Variants in NFATC2 observed in about 807,000 individuals in gnomAD.
NFATC2 encodes nuclear factor of activated T-cells, cytoplasmic 2.
A neutral mutation model predicts 87.3 loss-of-function variants in NFATC2; 22 were observed. The observed-to-expected ratio is 0.25, with a 90% CI of 0.18 to 0.36. NFATC2 has a LOEUF of 0.36. NFATC2 is among the 10% of genes least tolerant of loss of function. The probability of loss-of-function intolerance (pLI) is 1.00; values close to 1 mark genes in which losing one functional copy is unlikely to be tolerated. For synonymous variants in NFATC2, 565 were observed against 542.2 expected, an observed-to-expected ratio of 1.04 and a Z score of -0.58; for missense variants, 1,149 against 1,259.1, an observed-to-expected ratio of 0.91 and a Z score of 1.32.
rs1157995614 is a variant in NFATC2 at position 51,389,644 on chromosome 20, A to G, written c.*1852T>C. On this transcript the variant is annotated 3_prime_UTR_variant, in exon 11 of 11. Coordinates refer to ENST00000371564, the MANE Select transcript of NFATC2 (RefSeq NM_012340.5). ...GGTGAGGGAAAGGTCGTTCATTGTCAGGGAAAAATAAATGCTAGGTATCGA... is the reference window on the plus strand; with the variant it reads ...GGTGAGGGAAAGGTCGTTCATTGTCGGGGAAAAATAAATGCTAGGTATCGA... 2.0e-5 allele frequency: 3 copies of G among 152,154 alleles called. No individual in the cohort carries two copies. Among genetic ancestry groups the G allele is most frequent in the Non-Finnish European group, 4.4e-5 (3 of 68,030 alleles). The allele number at this position is 152,154 out of a possible 1,614,324, so 9.4% of individuals were successfully genotyped here.
intron 3 of NFATC2, among the ~76,000 whole-genome samples, chr20:51,504,863 C>T (rs556104104): frequency 6.6e-6 from 1 of 152,180 alleles, no homozygotes; most frequent in Admixed American, 6.5e-5. Context: ...CTGATATAGA[C>T]TCAAATATGT....
intron 1 of NFATC2, among the ~76,000 whole-genome samples, chr20:51,547,777 C>G (rs900253319): frequency 4.6e-5 from 7 of 152,200 alleles, no homozygotes; most frequent in Non-Finnish European, 7.3e-5. Flanking sequence ...CTCGCCTTTT[C>G]TCATGCCCAC....
In NFATC2 at chr20:51,391,214, T is replaced by A. The variant is rs759246445; in HGVS notation, c.*282A>T. On this transcript the variant is annotated 3_prime_UTR_variant, in exon 11 of 11. Coordinates refer to ENST00000371564, the MANE Select transcript of NFATC2 (RefSeq NM_012340.5). ...TTAAAACATAAACCGAAAAGAAGAG[T>A]TCTCTCTGGTGTTTAGAGGGAGGTG... 2.8e-6 allele frequency: 2 copies of A among 723,580 alleles called. No individual in the cohort carries two copies. The highest frequency in any genetic ancestry group is 4.0e-5 in the Admixed American group (2 of 50,612). The allele number at this position is 723,580 out of a possible 1,614,324, so 44.8% of individuals were successfully genotyped here. A position where few individuals can be genotyped will look rare whatever the true frequency, so the allele number is the denominator to read the frequency against.
intron 3 of NFATC2, among the ~76,000 whole-genome samples, chr20:51,489,423 C>A (rs2075844516): frequency 1.3e-5 from 2 of 152,136 alleles, no homozygotes; most frequent in Non-Finnish European, 2.9e-5. Context: ...TTTGGACTAC[C>A]CATCTCTAGA....
chr20:51,542,351 A>AG lies in NFATC2; in HGVS notation c.130+18dup. On this transcript the variant is annotated intron_variant, in intron 1 of 10. Transcript: ENST00000371564. ...CCCTGGCGGGCTCAGGGGCCAGGCC[A>AG]GGGGTAGCCTCCACCGACCTTCGTT... 1.9e-6 allele frequency: 3 copies of AG among 1,602,080 alleles called. No homozygotes were observed. Among genetic ancestry groups the AG allele is most frequent in the Non-Finnish European group, 2.6e-6 (3 of 1,174,008 alleles).
At chr20:51,445,859 G>A (rs917728453) in intron 6 of NFATC2, among the ~76,000 whole-genome samples, 1 of 152,222 alleles carries the variant, frequency 6.6e-6, no homozygotes, top group Admixed American at 6.5e-5. Context: ...AAGCCTGAGA[G>A]GGCACGCTTG....
chr20:51,478,019 A>G (rs767587121), intron 3 of NFATC2, among the ~76,000 whole-genome samples: 1 of 152,182 alleles, frequency 6.6e-6, no homozygotes, highest in Non-Finnish European at 1.5e-5. Context: ...AGAAAGTCCT[A>G]TTGAACAATG....
At chr20:51,489,034 A>G (rs1007637285) in intron 3 of NFATC2, among the ~76,000 whole-genome samples, 26 of 152,314 alleles carry the variant, frequency 1.7e-4, no homozygotes, top group Admixed American at 6.5e-5. Context: ...TACTAAACAT[A>G]CAAAAATTAG....
chr20:51,413,265 C>G (rs1401631124), intron 9 of NFATC2, among the ~76,000 whole-genome samples: 2 of 151,976 alleles, frequency 1.3e-5, no homozygotes, highest in African/African-American at 2.4e-5. Flanking sequence ...ACTGTGCCCT[C>G]TGAGGCTGGA....
intron 9 of NFATC2, among the ~76,000 whole-genome samples, chr20:51,427,446 C>T (rs901394591): frequency 2.6e-5 from 4 of 152,300 alleles, no homozygotes; most frequent in South Asian, 4.1e-4. Flanking sequence ...TAAGTAACCG[C>T]GCTCATGACA....
chr20:51,440,451 G>T (rs1568980261), intron 6 of NFATC2, among the ~76,000 whole-genome samples: 1 of 152,138 alleles, frequency 6.6e-6, no homozygotes, highest in Non-Finnish European at 1.5e-5. Context: ...CTACAGGTTT[G>T]GGCTGGAGGG....
At chr20:51,438,505 T>G (rs1293595664) in intron 6 of NFATC2, among the ~76,000 whole-genome samples, 1 of 151,050 alleles carries the variant, frequency 6.6e-6, no homozygotes, top group Non-Finnish European at 1.5e-5. Flanking sequence ...GAGAAAATAG[T>G]AGCTGGAAAT....
chr20:51,475,020 G>A (rs6021230), intron 4 of NFATC2, among the ~76,000 whole-genome samples: 64,140 of 149,356 alleles, frequency 0.43, 14,605 homozygotes, highest in African/African-American at 0.59. Flanking sequence ...CCAGGCTGGA[G>A]TGCAGTAGTG....
chr20:51,412,996 G>C (rs866012674), intron 9 of NFATC2, among the ~76,000 whole-genome samples: 125 of 85,700 alleles, frequency 1.5e-3, no homozygotes, highest in African/African-American at 3.2e-3. Context: ...CGCTCCCGCC[G>C]CCCCCCCCCC....
At chr20:51,426,080 G>A (rs760110917) in intron 9 of NFATC2, among the ~76,000 whole-genome samples, 2 of 152,040 alleles carry the variant, frequency 1.3e-5, no homozygotes, top group Admixed American at 6.6e-5. Flanking sequence ...CAGGGCATGA[G>A]GGTGAGGAAG....
intron 3 of NFATC2, among the ~76,000 whole-genome samples, chr20:51,496,595 T>C (rs973366379): frequency 2.6e-5 from 4 of 152,138 alleles, no homozygotes; most frequent in African/African-American, 7.2e-5. Context: ...CTAACATTAA[T>C]TGGACACATA....
chr20:51,474,260 A>G (rs573209126), intron 4 of NFATC2, 108 bp from the exon 5 acceptor site: 11 of 1,329,170 alleles, frequency 8.3e-6, no homozygotes, highest in South Asian at 1.4e-5. Flanking sequence ...ACTGCAATAC[A>G]CTCACATAAG....
Position 51,523,210 on chromosome 20 carries a change from T to G in NFATC2, c.1031A>C (p.His344Pro), listed in dbSNP as rs2076478973. The G allele has an allele frequency of 5.0e-6, 8 of 1,613,898 alleles. No individual in the cohort carries two copies. Among genetic ancestry groups the G allele is most frequent in the Non-Finnish European group, 6.8e-6 (8 of 1,179,890 alleles). ...CAGGAACTCCACGGCCGGGTAGATG[T>G]GGCGAGGCAGGCCGGCCTTGGATGG... is the stretch of plus-strand genomic sequence containing the variant. The part of the protein sequence containing the change: ...AAPSKAGLPR[H>P]IYPAVEFLGP... Residue 344 changes from histidine (H) to proline (P), a missense_variant, in exon 2 of 11, where the codon CAC becomes CCC. His to Pro is a moderately conservative substitution (Grantham distance 77). Coordinates refer to ENST00000371564, the MANE Select transcript of NFATC2 (RefSeq NM_012340.5). This position sits in a 1 kb window ranked among gnomAD's most constrained non-coding sequence, Gnocchi z 6.9.
At position 51,387,070 on chromosome 20, in the gene NFATC2, A is replaced by G. The variant is rs1985843689; in HGVS notation, c.*4426T>C. 6.6e-6 allele frequency: 1 copy of G among 152,246 alleles called. No individual in the cohort carries two copies. Among genetic ancestry groups the G allele is most frequent in the Non-Finnish European group, 1.5e-5 (1 of 68,032 alleles). 9.4% of individuals were successfully genotyped at this position (152,246 alleles called of 1,614,324 possible). A position where few individuals can be genotyped will look rare whatever the true frequency, so the allele number is the denominator to read the frequency against. ...TAAACTGGAGATTAAAAACATTTGC[A>G]TAGGAATGTGATGTATTCAAACGCC... On this transcript the variant is annotated 3_prime_UTR_variant, in exon 11 of 11. Transcript: ENST00000371564.
Sources: gnomAD v4.1 joint callset for allele counts (sites outside exome capture counted in the v4.1 genomes callset) on GRCh38, gnomAD v4.1.1 for gene constraint, Gnocchi (gnomAD v3.1) non-coding constraint, MANE v1.5 for transcripts, NCBI Gene and HGNC (gene_info 2026-07-23, HGNC 2026-07-21) for gene names.